GRIA4: variants seen among roughly 807,000 people sequenced by gnomAD.
GRIA4 encodes glutamate ionotropic receptor AMPA type subunit 4.
A neutral mutation model predicts 104.0 loss-of-function variants in GRIA4; 34 were observed. The ratio of observed to expected loss-of-function variants is 0.33; its 90% confidence interval spans 0.25 to 0.44. GRIA4 has a LOEUF of 0.44. Among genes scored for constraint, GRIA4 ranks in the 20% least tolerant of loss-of-function variants. The pLI is 1.00. For missense variants in GRIA4, 750 were observed against 1,096.5 expected, an observed-to-expected ratio of 0.68 and a Z score of 4.46; for synonymous variants, 386 against 381.9, an observed-to-expected ratio of 1.01 and a Z score of -0.13.
At chr11:105,825,009 C>T (rs931590607) in intron 4 of GRIA4, among the ~76,000 whole-genome samples, 4 of 151,952 alleles carry the variant, frequency 2.6e-5, no homozygotes, top group Non-Finnish European at 5.9e-5. Flanking sequence ...GGTCAGTGAA[C>T]GACTCAGACA....
intron 3 of GRIA4, among the ~76,000 whole-genome samples, chr11:105,663,897 G>A (rs6591139): frequency 0.97 from 147,370 of 151,546 alleles, 71,756 homozygotes; most frequent in Non-Finnish European, 1. Flanking sequence ...CTTTTCATTC[G>A]TCTTTGTGAA....
At chr11:105,669,595 T>G (rs1024565990) in intron 3 of GRIA4, among the ~76,000 whole-genome samples, 4 of 152,096 alleles carry the variant, frequency 2.6e-5, no homozygotes, top group African/African-American at 9.7e-5. Context: ...TTCTCACAGA[T>G]CTGTTGTAAT....
At chr11:105,879,301 C>T (rs1281469847) in intron 5 of GRIA4, among the ~76,000 whole-genome samples, 1 of 152,172 alleles carries the variant, frequency 6.6e-6, no homozygotes, top group Admixed American at 6.5e-5. Flanking sequence ...GCATTGATCT[C>T]GATGGGAGTG....
intron 4 of GRIA4, among the ~76,000 whole-genome samples, chr11:105,763,602 A>G (rs1175793884): frequency 6.6e-6 from 1 of 152,182 alleles, no homozygotes; most frequent in Non-Finnish European, 1.5e-5. Context: ...AAAAAAGACT[A>G]CATCCTTATC....
intron 4 of GRIA4, among the ~76,000 whole-genome samples, chr11:105,861,245 C>A (rs995693935): frequency 1.4e-4 from 22 of 152,126 alleles, no homozygotes; most frequent in African/African-American, 5.3e-4. Context: ...CTTCAAGACC[C>A]AATTCAAGTT....
intron 7 of GRIA4, among the ~76,000 whole-genome samples, chr11:105,901,222 T>C (rs73542888): frequency 0.083 from 12,667 of 152,176 alleles, 584 homozygotes; most frequent in African/African-American, 0.1. Flanking sequence ...GAGTCACTAT[T>C]ATCTTGTTTC....
At chr11:105,820,789 C>T (rs767461722) in intron 4 of GRIA4, among the ~76,000 whole-genome samples, 13 of 152,048 alleles carry the variant, frequency 8.5e-5, no homozygotes, top group Admixed American at 7.2e-4. Flanking sequence ...AATGTAATAG[C>T]CCTTTAAGGA....
intron 3 of GRIA4, among the ~76,000 whole-genome samples, chr11:105,687,496 G>A (rs1952921228): frequency 6.6e-6 from 1 of 152,200 alleles, no homozygotes; most frequent in Non-Finnish European, 1.5e-5. Flanking sequence ...ATTCTGTGAG[G>A]AAGGTGAAAT....
At chr11:105,744,592 G>T (rs966538578) in intron 3 of GRIA4, among the ~76,000 whole-genome samples, 1 of 152,024 alleles carries the variant, frequency 6.6e-6, no homozygotes, top group Non-Finnish European at 1.5e-5. Context: ...ATATTCAATT[G>T]GGGAAAAAAT....
intron 4 of GRIA4, among the ~76,000 whole-genome samples, chr11:105,856,643 G>A (rs1309794915): frequency 6.6e-6 from 1 of 152,070 alleles, no homozygotes; most frequent in Non-Finnish European, 1.5e-5. Context: ...AAATCCCACT[G>A]CTTTGGATGA....
At chr11:105,840,431 G>A (rs764670770) in intron 4 of GRIA4, among the ~76,000 whole-genome samples, 25 of 152,096 alleles carry the variant, frequency 1.6e-4, no homozygotes, top group Admixed American at 9.8e-4. Flanking sequence ...TTCTGAAACC[G>A]TCCCTCAAAT....
intron 3 of GRIA4, among the ~76,000 whole-genome samples, chr11:105,624,089 C>G (rs865967686): frequency 3.0e-4 from 45 of 151,998 alleles, no homozygotes; most frequent in African/African-American, 1.1e-3. Context: ...ATAAATATTA[C>G]ATATTTTGTT....
chr11:105,935,887 A>T (rs1446372582), intron 14 of GRIA4, among the ~76,000 whole-genome samples: 1 of 152,166 alleles, frequency 6.6e-6, no homozygotes, highest in Non-Finnish European at 1.5e-5. Context: ...AGAACTGTAT[A>T]ATAATCACCC....
At chr11:105,781,734 C>T (rs1434032149) in intron 4 of GRIA4, among the ~76,000 whole-genome samples, 6 of 152,082 alleles carry the variant, frequency 3.9e-5, no homozygotes, top group African/African-American at 7.2e-5. Context: ...CAAAAATATG[C>T]AGTGCAATGT....
intron 7 of GRIA4, among the ~76,000 whole-genome samples, chr11:105,901,335 C>G (rs1401227792): frequency 6.6e-6 from 1 of 152,202 alleles, no homozygotes; most frequent in Non-Finnish European, 1.5e-5. Context: ...TCTTTCTTCT[C>G]TAAGTCCATA....
chr11:105,723,113 G>C (rs1295323667), intron 3 of GRIA4, among the ~76,000 whole-genome samples: 4 of 151,846 alleles, frequency 2.6e-5, no homozygotes, highest in African/African-American at 9.7e-5. Context: ...AAAAAGGAAA[G>C]GGGGAAAAAA....
At chr11:105,936,347 T>C (rs933281586) in intron 14 of GRIA4, among the ~76,000 whole-genome samples, 2 of 152,194 alleles carry the variant, frequency 1.3e-5, no homozygotes, top group African/African-American at 4.8e-5. Flanking sequence ...CTTTGAAACC[T>C]TTCTGTCTTA....
chr11:105,719,729 C>T (rs1323626174), intron 3 of GRIA4, among the ~76,000 whole-genome samples: 1 of 151,808 alleles, frequency 6.6e-6, no homozygotes, highest in Non-Finnish European at 1.5e-5. Context: ...TTTTTCTTTA[C>T]CAGTGACTCA....
intron 3 of GRIA4, among the ~76,000 whole-genome samples, chr11:105,657,995 G>A (rs1014711466): frequency 1.3e-5 from 2 of 151,578 alleles, no homozygotes; most frequent in African/African-American, 4.8e-5. Flanking sequence ...ACTTATCTGT[G>A]TGTACAAGTA....
Sources: allele counts gnomAD v4.1 joint callset (sites outside exome capture counted in the v4.1 genomes callset), GRCh38; gene constraint gnomAD v4.1.1; transcripts MANE v1.5; gene names NCBI Gene and HGNC (gene_info 2026-07-23, HGNC 2026-07-21).